DMD: variants seen among roughly 807,000 people sequenced by gnomAD.
DMD encodes dystrophin.
A neutral mutation model predicts 330.1 loss-of-function variants in DMD; 63 were observed. That is an observed-to-expected ratio of 0.19 (90% CI 0.16 to 0.24). The LOEUF is 0.24. Ranked by LOEUF, DMD falls within the 10% of genes least tolerant of loss-of-function variation. The pLI, the probability that DMD is intolerant of heterozygous loss-of-function variation, is 1.00. For missense variants in DMD, 3,344 were observed against 2,684.1 expected, an observed-to-expected ratio of 1.25 and a Z score of -5.43; for synonymous variants, 1,223 against 959.8, an observed-to-expected ratio of 1.27 and a Z score of -5.07.
At chrX:32,432,017 C>A (rs1391806953) in intron 29 of DMD, among the ~76,000 whole-genome samples, 1 of 111,825 alleles carries the variant, frequency 8.9e-6, no homozygotes, top group Non-Finnish European at 1.9e-5. Context: ...GCTACCCTGA[C>A]TTAATCACTT....
chrX:32,152,577 TA>T (rs2096810104), intron 44 of DMD, among the ~76,000 whole-genome samples: 1 of 111,628 alleles, frequency 9.0e-6, no homozygotes, highest in African/African-American at 3.3e-5. Flanking sequence ...CAACTTCAAA[TA>T]AAAGTATGCC....
chrX:32,773,910 T>C (rs1188173150), intron 7 of DMD, among the ~76,000 whole-genome samples: 1 of 112,004 alleles, frequency 8.9e-6, no homozygotes, highest in Non-Finnish European at 1.9e-5. Context: ...TTTGAATTTC[T>C]GCTCTGGGCT....
intron 55 of DMD, among the ~76,000 whole-genome samples, chrX:31,619,506 G>C (rs1374640352): frequency 1.8e-5 from 2 of 111,326 alleles, no homozygotes; most frequent in South Asian, 3.7e-4. Context: ...AATTAATAAG[G>C]ACCTTTCACT....
chrX:32,732,755 G>C (rs2067878986), intron 7 of DMD, among the ~76,000 whole-genome samples: 1 of 110,468 alleles, frequency 9.1e-6, no homozygotes, highest in South Asian at 3.9e-4. Flanking sequence ...AAGAGCTCCT[G>C]AAGGAAGCGC....
chrX:31,700,009 A>T (rs1385379129), intron 52 of DMD, among the ~76,000 whole-genome samples: 1 of 110,735 alleles, frequency 9.0e-6, no homozygotes, highest in Non-Finnish European at 1.9e-5. Flanking sequence ...AAGATGGTGA[A>T]ACCCTGTCTG....
intron 1 of DMD, among the ~76,000 whole-genome samples, chrX:33,294,094 A>G (rs1231276424): frequency 2.7e-5 from 3 of 111,302 alleles, no homozygotes; most frequent in Non-Finnish European, 5.7e-5. Flanking sequence ...TCCAGAGTAA[A>G]GTTTCTGTCA....
chrX:33,008,693 C>A (rs1391099324), intron 2 of DMD, among the ~76,000 whole-genome samples: 1 of 105,240 alleles, frequency 9.5e-6, no homozygotes, highest in Non-Finnish European at 2.0e-5. Context: ...TTATTCATCA[C>A]CTATCTGCCC....
intron 5 of DMD, among the ~76,000 whole-genome samples, chrX:32,822,460 A>G (rs1425185081): frequency 1.8e-5 from 2 of 110,438 alleles, no homozygotes; most frequent in Admixed American, 9.7e-5. Flanking sequence ...ATTAGTGGAT[A>G]TAAGTTCATG....
chrX:33,065,381 A>C lies in DMD; in HGVS notation c.32-45181T>G, dbSNP rs751857211. On this transcript the variant is annotated intron_variant, in intron 1 of 78. Coordinates refer to ENST00000357033, the MANE Select transcript of DMD (RefSeq NM_004006.3). ...TTTATTTGTAGAGTTCTTCACTTTC[A>C]AATATAGATTACTTTTAATGAGATA... 1.5e-4 allele frequency among the ~76,000 whole-genome samples: 17 copies of C among 112,661 alleles called. No individual in the cohort carries two copies. In the South Asian group the frequency reaches 4.4e-3, roughly 29 times the overall value.
At chrX:32,131,586 A>G (rs2096694978) in intron 44 of DMD, among the ~76,000 whole-genome samples, 2 of 112,136 alleles carry the variant, frequency 1.8e-5, no homozygotes, top group Non-Finnish European at 3.8e-5. Context: ...TTCTTGTCGC[A>G]TTGGAAAACG....
chrX:31,798,039 A>G (rs2091907111), intron 50 of DMD, among the ~76,000 whole-genome samples: 1 of 112,156 alleles, frequency 8.9e-6, no homozygotes, highest in African/African-American at 3.2e-5. Flanking sequence ...TATAGGTGGA[A>G]ATAGTGAGGA....
chrX:31,591,823 T>C (rs2076887787), intron 55 of DMD, among the ~76,000 whole-genome samples: 1 of 111,087 alleles, frequency 9.0e-6, no homozygotes, highest in Non-Finnish European at 1.9e-5. Context: ...AAGAGCAAAG[T>C]AGACTGAGTG....
chrX:31,879,503 A>T (rs1421173423), intron 47 of DMD, among the ~76,000 whole-genome samples: 1 of 111,518 alleles, frequency 9.0e-6, no homozygotes, highest in African/African-American at 3.3e-5. Context: ...AATAAGGAAA[A>T]CTACTGTACC....
At chrX:32,887,776 A>AAC (rs1259032561) in intron 2 of DMD, among the ~76,000 whole-genome samples, 1 of 95,048 alleles carries the variant, frequency 1.1e-5, no homozygotes, top group African/African-American at 3.9e-5. Flanking sequence ...AAAAAAAAAA[A>AAC]CATCAACTAA....
At chrX:33,224,731 G>T (rs2148876794) in intron 1 of DMD, among the ~76,000 whole-genome samples, 1 of 111,292 alleles carries the variant, frequency 9.0e-6, no homozygotes, top group South Asian at 3.8e-4. Context: ...GAGTTATAAT[G>T]ATGTGTTGAC....
At chrX:32,495,345 A>G (rs2043387344) in intron 19 of DMD, among the ~76,000 whole-genome samples, 1 of 111,799 alleles carries the variant, frequency 8.9e-6, no homozygotes, top group South Asian at 3.7e-4. Flanking sequence ...ATACCAAATC[A>G]ATAGTGTACT....
At chrX:31,665,892 C>T (rs2081396984) in intron 53 of DMD, among the ~76,000 whole-genome samples, 1 of 111,956 alleles carries the variant, frequency 8.9e-6, no homozygotes, top group Non-Finnish European at 1.9e-5. Context: ...AAGTTTCATA[C>T]AAAAAGAAGG....
At chrX:32,454,954 T>C in intron 25 of DMD, 122 bp from the exon 26 acceptor site, 1 of 809,699 alleles carries the variant, frequency 1.2e-6, no homozygotes. Flanking sequence ...AGTAAAAAGC[T>C]TATATGCATA....
intron 2 of DMD, among the ~76,000 whole-genome samples, chrX:33,019,549 A>G (rs925057243): frequency 1.1e-4 from 12 of 111,695 alleles, no homozygotes; most frequent in Admixed American, 3.8e-4. Flanking sequence ...TCAAGGTAAG[A>G]ATATCTTGCT....
Sources: gnomAD v4.1 joint callset for allele counts (sites outside exome capture counted in the v4.1 genomes callset) on GRCh38, gnomAD v4.1.1 for gene constraint, MANE v1.5 for transcripts, NCBI Gene and HGNC (gene_info 2026-07-23, HGNC 2026-07-21) for gene names.